The following WDR27 variants were observed in gnomAD, a reference collection of about 807,000 sequenced individuals.
WDR27 encodes the protein WD repeat-containing protein 27.
Under a neutral mutation model 114.4 loss-of-function variants are expected in WDR27, and 100 were observed. The ratio of observed to expected loss-of-function variants is 0.87; its 90% confidence interval spans 0.74 to 1.03. The LOEUF (loss-of-function observed/expected upper bound fraction) is 1.03. WDR27 is among the 50% of genes least tolerant of loss of function. The pLI, the probability that WDR27 is intolerant of heterozygous loss-of-function variation, is 0.00. For missense variants in WDR27, 1,129 were observed against 1,092.9 expected, an observed-to-expected ratio of 1.03 and a Z score of -0.47; for synonymous variants, 449 against 423.1, an observed-to-expected ratio of 1.06 and a Z score of -0.75.
rs191326820 is a variant in WDR27 at position 169,611,362 on chromosome 6, G to A, written c.2321+2197C>T. On this transcript the variant is annotated intron_variant, in intron 22 of 25. Transcript: ENST00000448612. ...ACTCTGTCACCCAGGCTGGAGTGCA[G>A]TGGTGTGATTTTGGCTCACTGCAAA... Among the ~76,000 whole-genome samples, 471 of 139,976 alleles carry A rather than the reference G, an allele frequency of 3.4e-3. 5 individuals carry two copies. Among genetic ancestry groups the A allele is most frequent in the African/African-American group, 0.011 (407 of 37,264 alleles). The allele number at this position is 139,976 out of a possible 152,430, so 91.8% of individuals were successfully genotyped here. A position where few individuals can be genotyped will look rare whatever the true frequency, so the allele number is the denominator to read the frequency against.
At position 169,624,997 on chromosome 6, in the gene WDR27, A is replaced by G. The variant is rs556229094; in HGVS notation, c.2223+7950T>C. ...CGGCCCATCCACTGAGGGGACCTGC[A>G]AGATGCAACTCCTGTTCTAGGCTTC... On this transcript the variant is annotated intron_variant, in intron 21 of 25. Coordinates refer to ENST00000448612, the MANE Select transcript of WDR27 (RefSeq NM_182552.5). Among the ~76,000 whole-genome samples, 24 of 152,330 alleles carry G rather than the reference A, an allele frequency of 1.6e-4. No individual in the cohort carries two copies. The East Asian group carries it at 4.2e-3, about 27-fold the overall frequency.
At chr6:169,567,115 T>C (rs1800626966) in intron 25 of WDR27, among the ~76,000 whole-genome samples, 1 of 152,110 alleles carries the variant, frequency 6.6e-6, no homozygotes, top group South Asian at 2.1e-4. Context: ...GGGGGACCTT[T>C]GGAAATGAGT....
At position 169,688,923 on chromosome 6, in the gene WDR27, T is replaced by C; in HGVS notation, c.83A>G (p.Lys28Arg). Reference protein sequence around the residue: ...IVIEKYLVESKESVSHVQLAC... With the variant: ...IVIEKYLVESRESVSHVQLAC... ...AAGCTGAACATGAGACACAGACTCC[T>C]TGGATTCAACCAGGTATTTTTCTAT... The change falls in exon 2 of 26, where the codon AAG becomes AGG. Residue 28 changes from lysine (K) to arginine (R), a missense_variant. Transcript: ENST00000448612. 1.2e-6 allele frequency: 2 copies of C among 1,613,990 alleles called. No homozygotes were observed. Among genetic ancestry groups the C allele is most frequent in the Non-Finnish European group, 8.5e-7 (1 of 1,179,874 alleles).
At chr6:169,701,063 A>G (rs1787850266) in intron 1 of WDR27, among the ~76,000 whole-genome samples, 1 of 152,250 alleles carries the variant, frequency 6.6e-6, no homozygotes. Flanking sequence ...ACAAGATAGT[A>G]ATCCCAGATA....
chr6:169,670,630 C>G lies in WDR27; in HGVS notation c.395G>C (p.Ser132Thr). Residue 132 changes from serine to threonine, a missense_variant, in exon 4 of 26, where the codon AGC becomes ACC. Coordinates refer to ENST00000448612, the MANE Select transcript of WDR27 (RefSeq NM_182552.5). ...LLGKVLCLQL[S>T]LDDHVVAVCA... The stretch of plus-strand genomic sequence containing the variant: ...CACGGCAACAACATGATCATCCAGG[C>G]TCAACTGTAAACACAGCACCTTTCC... 1.2e-6 allele frequency: 2 copies of G among 1,613,976 alleles called. No homozygotes were observed. Among genetic ancestry groups the G allele is most frequent in the South Asian group, 1.1e-5 (1 of 91,084 alleles).
At chr6:169,613,447 G>C in intron 22 of WDR27, 112 bp downstream of exon 22, 1 of 819,934 alleles carries the variant, frequency 1.2e-6, no homozygotes, top group Non-Finnish European at 1.9e-6. Context: ...TCTTAGATTA[G>C]TCAGTGTGCA....
At chr6:169,657,334 C>T (rs1584955876) in intron 13 of WDR27, among the ~76,000 whole-genome samples, 1 of 152,206 alleles carries the variant, frequency 6.6e-6, no homozygotes, top group Non-Finnish European at 1.5e-5. Context: ...CGAAGTCAAG[C>T]TCAAGGGCTG....
downstream of WDR27, among the ~76,000 whole-genome samples, chr6:169,452,362 T>C (rs751618833): frequency 6.6e-6 from 1 of 152,240 alleles, no homozygotes; most frequent in Non-Finnish European, 1.5e-5. Flanking sequence ...TCTTGGTAAC[T>C]GGTAAATGGC....
chr6:169,637,593 G>C (rs1481704955), intron 18 of WDR27, among the ~76,000 whole-genome samples: 1 of 152,140 alleles, frequency 6.6e-6, no homozygotes, highest in Non-Finnish European at 1.5e-5. Flanking sequence ...ATATGTGTAT[G>C]CATCTATATG....
chr6:169,443,266 C>T, the WDR27 span, among the ~76,000 whole-genome samples: 63 of 152,334 alleles, frequency 4.1e-4, 1 homozygote, highest in East Asian at 0.012. Context: ...CCCTCGCCTC[C>T]CAGGCTGGGT....
At chr6:169,647,404 G>A (rs1237390597) in intron 16 of WDR27, among the ~76,000 whole-genome samples, 1 of 152,230 alleles carries the variant, frequency 6.6e-6, no homozygotes, top group African/African-American at 2.4e-5. Flanking sequence ...CCAGAGGGAA[G>A]CAGTGACTGT....
intron 17 of WDR27, among the ~76,000 whole-genome samples, chr6:169,638,955 G>A (rs1818429745): frequency 6.6e-6 from 1 of 152,206 alleles, no homozygotes; most frequent in African/African-American, 2.4e-5. Context: ...GGGTTTGTTA[G>A]GAGCGTGTAC....
intron 21 of WDR27, among the ~76,000 whole-genome samples, chr6:169,632,189 CAAAAAAAA>C (rs1012298678): frequency 1.6e-5 from 1 of 63,900 alleles, no homozygotes; most frequent in Non-Finnish European, 3.3e-5. Flanking sequence ...GACTCTGTCT[CAAAAAAAA>C]AAAAAAAAAA....
chr6:169,671,954 G>C (rs1778850573), intron 3 of WDR27: 2 of 211,436 alleles, frequency 9.5e-6, no homozygotes, highest in African/African-American at 4.6e-5. Flanking sequence ...CATGTTTTCA[G>C]GTTGATACAA....
At chr6:169,696,858 G>A (rs1786203931) in intron 1 of WDR27, among the ~76,000 whole-genome samples, 1 of 152,176 alleles carries the variant, frequency 6.6e-6, no homozygotes, top group Non-Finnish European at 1.5e-5. Context: ...AGGTTGTTGT[G>A]AGCCAAGATT....
intron 7 of WDR27, chr6:169,664,590 A>G: frequency 8.0e-7 from 1 of 1,245,926 alleles, no homozygotes; most frequent in Non-Finnish European, 1.0e-6. Context: ...GGCTCTCTGC[A>G]CACACCCCAC....
intron 1 of WDR27, among the ~76,000 whole-genome samples, chr6:169,699,609 G>C (rs555363907): frequency 6.6e-6 from 1 of 152,156 alleles, no homozygotes; most frequent in Admixed American, 6.5e-5. Context: ...AGTGAGCTAT[G>C]GCAGCCTTCC....
At chr6:169,701,422 G>A (rs960663724) in intron 1 of WDR27, 129 bp downstream of exon 1, 1 of 152,282 alleles carries the variant, frequency 6.6e-6, no homozygotes, top group Non-Finnish European at 1.5e-5. Flanking sequence ...CCCGCCCTCG[G>A]AGCTCAGAAC....
intron 25 of WDR27, among the ~76,000 whole-genome samples, chr6:169,482,069 T>C (rs975380972): frequency 3.3e-5 from 5 of 152,266 alleles, no homozygotes; most frequent in Non-Finnish European, 5.9e-5. Context: ...TGTTCCTGCA[T>C]CAGTTTGCTA....
Sources: gnomAD v4.1 joint callset for allele counts (sites outside exome capture counted in the v4.1 genomes callset) on GRCh38, gnomAD v4.1.1 for gene constraint, MANE v1.5 for transcripts, NCBI Gene and HGNC (gene_info 2026-07-23, HGNC 2026-07-21) for gene names.